Variants in CREM observed in about 807,000 individuals in gnomAD.
CREM encodes cAMP responsive element modulator, also known as cAMP-responsive element modulator.
A neutral mutation model predicts 37.3 loss-of-function variants in CREM; 13 were observed. The ratio of observed to expected loss-of-function variants is 0.35; its 90% CI spans 0.23 to 0.55. The LOEUF (loss-of-function observed/expected upper bound fraction) is 0.55. CREM is among the 20% of genes least tolerant of loss of function. CREM has a pLI of 0.88. For synonymous variants in CREM, 124 were observed against 120.2 expected, an observed-to-expected ratio of 1.03 and a Z score of -0.21; for missense variants, 296 against 362.3, an observed-to-expected ratio of 0.82 and a Z score of 1.49.
chr10:35,175,887 C>A, intron 3 of CREM: 3 of 1,559,724 alleles, frequency 1.9e-6, no homozygotes, highest in Admixed American at 1.9e-5. Flanking sequence ...AGAAGAGGCT[C>A]CCCAGCTGTA....
At chr10:35,155,431 T>A (rs940630058) in intron 3 of CREM, among the ~76,000 whole-genome samples, 2 of 152,256 alleles carry the variant, frequency 1.3e-5, no homozygotes, top group African/African-American at 4.8e-5. Flanking sequence ...GTTCTGTAGA[T>A]CTGATTAACA....
At chr10:35,175,747 A>G in intron 3 of CREM, 1 of 1,614,180 alleles carries the variant, frequency 6.2e-7, no homozygotes, top group Non-Finnish European at 8.5e-7. Context: ...GCAGCAGGAA[A>G]AAGAGAAGTA....
intron 6 of CREM, chr10:35,196,017 G>A: frequency 2.5e-6 from 4 of 1,607,158 alleles, no homozygotes; most frequent in Non-Finnish European, 3.4e-6. Flanking sequence ...TTCTTTTGAA[G>A]TGGTTGTCTG....
At chr10:35,208,317 C>CA (rs1313964681) in intron 7 of CREM, among the ~76,000 whole-genome samples, 2 of 152,072 alleles carry the variant, frequency 1.3e-5, no homozygotes, top group Non-Finnish European at 2.9e-5. Flanking sequence ...TTTCTTGCTC[C>CA]ATATCTCTGT....
chr10:35,153,045 G>C (rs1333678926), intron 3 of CREM, among the ~76,000 whole-genome samples: 3 of 151,896 alleles, frequency 2.0e-5, no homozygotes, highest in East Asian at 3.9e-4. Flanking sequence ...TTCAAGACCA[G>C]CTTGAGAGCT....
In CREM at chr10:35,212,149, A is replaced by G. The variant is rs2095672192; in HGVS notation, c.*751A>G. 1 of 174,194 alleles carries G rather than the reference A, an allele frequency of 5.7e-6. No homozygotes were observed. The highest frequency in any genetic ancestry group is 1.9e-4 in the South Asian group (1 of 5,142). The allele number at this position is 174,194 out of a possible 1,614,324, so 10.8% of individuals were successfully genotyped here. A position where few individuals can be genotyped will look rare whatever the true frequency, so the allele number is the denominator to read the frequency against. ...AATCATTTTAGGAAAGGATGATCAA[A>G]AATAATGCATCCAGCAGTACAATAA... On this transcript the variant is annotated 3_prime_UTR_variant, in exon 8 of 8. Transcript: ENST00000685392.
chr10:35,177,685 A>G (rs1423818945), intron 3 of CREM, among the ~76,000 whole-genome samples: 1 of 152,192 alleles, frequency 6.6e-6, no homozygotes, highest in East Asian at 1.9e-4. Flanking sequence ...AAGAGGTGCC[A>G]GTGGATCTTG....
chr10:35,186,280 G>A (rs1311285213), intron 5 of CREM, among the ~76,000 whole-genome samples: 1 of 152,052 alleles, frequency 6.6e-6, no homozygotes, highest in Non-Finnish European at 1.5e-5. Context: ...AATAATACTT[G>A]TCTATTAGAG....
At chr10:35,210,525 C>G (rs1357356528) in intron 7 of CREM, 1 of 152,092 alleles carries the variant, frequency 6.6e-6, no homozygotes, top group Non-Finnish European at 1.5e-5. Context: ...TTGAAATATG[C>G]CCAGAGTTAC....
chr10:35,175,611 G>A (rs766577328), intron 3 of CREM: 17 of 1,542,450 alleles, frequency 1.1e-5, no homozygotes, highest in African/African-American at 4.1e-5. Flanking sequence ...CTTAGCCACC[G>A]AAGTATGGGC....
At chr10:35,136,781 G>A (rs1214271550) in intron 1 of CREM, among the ~76,000 whole-genome samples, 1 of 137,006 alleles carries the variant, frequency 7.3e-6, no homozygotes, top group African/African-American at 2.8e-5. Flanking sequence ...AAGAAATTAA[G>A]GACTCTCAGT....
At chr10:35,130,888 TA>T (rs1394933878) in intron 1 of CREM, among the ~76,000 whole-genome samples, 2 of 152,228 alleles carry the variant, frequency 1.3e-5, no homozygotes, top group Non-Finnish European at 2.9e-5. Context: ...CTAATTCAGT[TA>T]TAGCAAGGTT....
chr10:35,187,646 A>G (rs1010368269), intron 5 of CREM, among the ~76,000 whole-genome samples: 5 of 152,118 alleles, frequency 3.3e-5, no homozygotes, highest in African/African-American at 7.2e-5. Flanking sequence ...TTTAATTGCA[A>G]TATTAAATGG....
intron 3 of CREM, among the ~76,000 whole-genome samples, chr10:35,172,362 T>C (rs549749097): frequency 1.3e-5 from 2 of 152,244 alleles, no homozygotes; most frequent in African/African-American, 4.8e-5. Flanking sequence ...TGGGGGTGAC[T>C]CTGAGACATT....
At chr10:35,187,347 A>G (rs1214892021) in intron 5 of CREM, among the ~76,000 whole-genome samples, 2 of 144,212 alleles carry the variant, frequency 1.4e-5, no homozygotes, top group African/African-American at 2.6e-5. Flanking sequence ...GCAACCTCCA[A>G]CTCCCGGGTT....
At chr10:35,197,061 G>T (rs2095214645) in intron 6 of CREM, among the ~76,000 whole-genome samples, 1 of 151,850 alleles carries the variant, frequency 6.6e-6, no homozygotes, top group Non-Finnish European at 1.5e-5. Flanking sequence ...GTTTCACCGT[G>T]TTAGCCAGGA....
chr10:35,193,374 C>CT (rs943244538), intron 6 of CREM, among the ~76,000 whole-genome samples: 14 of 151,796 alleles, frequency 9.2e-5, no homozygotes, highest in Non-Finnish European at 5.9e-5. Flanking sequence ...CCTTCCTTGC[C>CT]TTTTTTTTCA....
chr10:35,191,123 AG>A (rs2094901483), intron 6 of CREM, among the ~76,000 whole-genome samples: 1 of 80,396 alleles, frequency 1.2e-5, no homozygotes, highest in East Asian at 3.7e-4. Flanking sequence ...TTTAAGTTTT[AG>A]GGAACAGTTG....
At chr10:35,129,255 A>G (rs995847745) in intron 1 of CREM, among the ~76,000 whole-genome samples, 2 of 152,168 alleles carry the variant, frequency 1.3e-5, no homozygotes, top group Admixed American at 6.5e-5. Flanking sequence ...AACATAGGAC[A>G]TTTTTATTTT....
Sources: gnomAD v4.1 joint callset for allele counts (sites outside exome capture counted in the v4.1 genomes callset) on GRCh38, gnomAD v4.1.1 for gene constraint, MANE v1.5 for transcripts, NCBI Gene and HGNC (gene_info 2026-07-23, HGNC 2026-07-21) for gene names.